The following CFAP47 variants were observed in gnomAD, a reference collection of about 807,000 sequenced individuals.
CFAP47 encodes cilia and flagella associated protein 47.
CFAP47 carries 29 observed loss-of-function variants against 148.1 expected under a neutral mutation model. The ratio of observed to expected loss-of-function variants is 0.20; its 90% confidence interval spans 0.15 to 0.27. The LOEUF (loss-of-function observed/expected upper bound fraction) is 0.27, where lower values mean the gene tolerates loss of function less well. Ranked by LOEUF, CFAP47 falls within the 10% of genes least tolerant of loss-of-function variation. The probability of loss-of-function intolerance (pLI) is 1.00; values close to 1 mark genes in which losing one functional copy is unlikely to be tolerated. For synonymous variants in CFAP47, 664 were observed against 577.3 expected (o/e 1.15, Z -2.15); for missense variants, 1,872 against 1,697.5 (o/e 1.10, Z -1.81).
chrX:36,091,481 G>A (rs768846178), intron 30 of CFAP47, among the ~76,000 whole-genome samples: 3 of 111,361 alleles, frequency 2.7e-5, no homozygotes, highest in African/African-American at 6.5e-5. Flanking sequence ...ATAGGCTGTC[G>A]GTTGGCTAAT....
Position 36,258,073 on chromosome X carries a change from A to G in CFAP47, c.7444+6629A>G, listed in dbSNP as rs782262971. Among the ~76,000 whole-genome samples, 16 of 112,087 alleles carry G rather than the reference A, an allele frequency of 1.4e-4. No homozygotes were observed. In the South Asian group the frequency reaches 2.6e-3, roughly 18 times the overall value. On this transcript the variant is annotated intron_variant, in intron 49 of 63. Transcript: ENST00000378653. ...CCGAAAAGTGCTTTCTTACTTGCTG[A>G]AAAATTATTGTGTTCCTTAACACAA...
chrX:36,261,490 T>A (rs1228347843), intron 49 of CFAP47, among the ~76,000 whole-genome samples: 1 of 106,861 alleles, frequency 9.4e-6, no homozygotes, highest in Non-Finnish European at 1.9e-5. Context: ...TCAGTGTTTG[T>A]GTCCCTGGGT....
intron 30 of CFAP47, among the ~76,000 whole-genome samples, chrX:36,096,718 T>C (rs188736161): frequency 9.1e-6 from 1 of 110,479 alleles, no homozygotes; most frequent in African/African-American, 3.3e-5. Context: ...TCCGTGTATG[T>C]TCAGTCTATG....
At chrX:36,273,417 C>A (rs1005065047) in intron 49 of CFAP47, among the ~76,000 whole-genome samples, 1 of 110,973 alleles carries the variant, frequency 9.0e-6, no homozygotes, top group Non-Finnish European at 1.9e-5. Context: ...ATTTTTTCCC[C>A]CTCATAGTCT....
intron 46 of CFAP47, among the ~76,000 whole-genome samples, chrX:36,232,300 C>T (rs1217015100): frequency 1.5e-4 from 17 of 111,580 alleles, no homozygotes; most frequent in East Asian, 1.1e-3. Flanking sequence ...AGCCTGTTAT[C>T]GGTCTATTCA....
At chrX:36,311,603 C>T (rs782622885) in intron 56 of CFAP47, among the ~76,000 whole-genome samples, 12 of 110,927 alleles carry the variant, frequency 1.1e-4, no homozygotes, top group Admixed American at 9.6e-4. Flanking sequence ...ACTACTTCTA[C>T]TAAAACTATT....
Position 35,920,997 on chromosome X carries a change from A to G in CFAP47, c.249+949A>G, listed in dbSNP as rs747198104. On this transcript the variant is annotated intron_variant, in intron 1 of 63. Coordinates refer to ENST00000378653, the MANE Select transcript of CFAP47 (RefSeq NM_001304548.2). ...TTCTAATTTTTGCTCTGTTAAAAAA[A>G]TCGATGTATTATTTACTTACTAAAG... Among the ~76,000 whole-genome samples, 3 of 112,313 alleles carry G rather than the reference A, an allele frequency of 2.7e-5. No individual in the cohort carries two copies. The East Asian group carries it at 8.4e-4, about 31-fold the overall frequency.
intron 2 of CFAP47, among the ~76,000 whole-genome samples, chrX:35,932,233 T>TTTTTC (rs991951076): frequency 9.2e-6 from 1 of 108,120 alleles, no homozygotes; most frequent in Non-Finnish European, 1.9e-5. Flanking sequence ...TTTCTTTCTT[T>TTTTTC]TTTTCTTTTC....
At chrX:35,997,261 T>G (rs746349470) in intron 18 of CFAP47, 51 bp from the exon 19 acceptor site, 7 of 287,334 alleles carry the variant, frequency 2.4e-5, no homozygotes, top group Admixed American at 6.3e-5. Context: ...CAGCAACTTA[T>G]GATTATATTT....
chrX:36,087,594 C>T (rs1481798226), intron 30 of CFAP47, among the ~76,000 whole-genome samples: 2 of 111,985 alleles, frequency 1.8e-5, no homozygotes, highest in African/African-American at 6.5e-5. Context: ...GGGCAGAAAC[C>T]ACATCTCATT....
intron 33 of CFAP47, among the ~76,000 whole-genome samples, chrX:36,106,271 C>T (rs1938464926): frequency 1.8e-5 from 2 of 112,143 alleles, no homozygotes; most frequent in African/African-American, 6.5e-5. Context: ...GACAAGATTG[C>T]TCTTTGACTA....
chrX:36,138,193 C>A, intron 34 of CFAP47, 138 bp downstream of exon 34: 1 of 588,953 alleles, frequency 1.7e-6, no homozygotes, highest in Non-Finnish European at 2.5e-6. Context: ...GCATGGCCAG[C>A]ACTACCTTTT....
chrX:36,366,878 T>C, intron 61 of CFAP47, 88 bp from the exon 62 acceptor site: 2 of 515,512 alleles, frequency 3.9e-6, no homozygotes, highest in Non-Finnish European at 5.7e-6. Flanking sequence ...AGAGTTTACT[T>C]ACATTTTTAC....
At chrX:35,939,247 T>G (rs1464490594) in intron 2 of CFAP47, among the ~76,000 whole-genome samples, 1 of 111,094 alleles carries the variant, frequency 9.0e-6, no homozygotes, top group Non-Finnish European at 1.9e-5. Context: ...TCTCTTCTTT[T>G]CTAGAGATTC....
intron 1 of CFAP47, among the ~76,000 whole-genome samples, chrX:35,922,590 T>C (rs1158514499): frequency 8.9e-6 from 1 of 112,688 alleles, no homozygotes; most frequent in Non-Finnish European, 1.9e-5. Flanking sequence ...ATGTGGAAAA[T>C]ATTGTATCCC....
intron 21 of CFAP47, among the ~76,000 whole-genome samples, chrX:36,005,309 T>C (rs1369062609): frequency 8.9e-6 from 1 of 111,792 alleles, no homozygotes; most frequent in Non-Finnish European, 1.9e-5. Context: ...TTTTTAAATA[T>C]AGGTTTTATG....
At chrX:36,178,843 G>C (rs1197140429) in intron 39 of CFAP47, among the ~76,000 whole-genome samples, 2 of 111,929 alleles carry the variant, frequency 1.8e-5, no homozygotes, top group African/African-American at 6.5e-5. Flanking sequence ...GAATATATGA[G>C]CATTGTCATA....
intron 49 of CFAP47, among the ~76,000 whole-genome samples, chrX:36,270,474 G>A (rs1416579712): frequency 1.9e-5 from 2 of 107,034 alleles, no homozygotes; most frequent in Non-Finnish European, 1.9e-5. Context: ...TTACTAAAAT[G>A]CCTTTTAAAA....
chrX:36,220,114 A>G (rs1940198672), intron 45 of CFAP47, among the ~76,000 whole-genome samples: 1 of 111,688 alleles, frequency 9.0e-6, no homozygotes, highest in South Asian at 3.7e-4. Flanking sequence ...ACAGGTGGAA[A>G]ATTTCACATT....
Sources: gnomAD v4.1 joint callset for allele counts (sites outside exome capture counted in the v4.1 genomes callset) on GRCh38, gnomAD v4.1.1 for gene constraint, MANE v1.5 for transcripts, NCBI Gene and HGNC (gene_info 2026-07-23, HGNC 2026-07-21) for gene names.